The following C17orf99 variants were observed in gnomAD, a reference collection of about 807,000 sequenced individuals.
C17orf99 encodes chromosome 17 open reading frame 99.
Under a neutral mutation model 22.6 loss-of-function variants are expected in C17orf99, and 18 were observed. The observed-to-expected ratio is 0.80, with a 90% CI of 0.55 to 1.18. C17orf99 has a LOEUF of 1.18. Among genes scored for constraint, C17orf99 ranks in the 50% most tolerant of loss-of-function variants. C17orf99 has a pLI of 0.00. For missense variants in C17orf99, 328 were observed against 342.7 expected (o/e 0.96, Z 0.34); for synonymous variants, 147 against 136.6 (o/e 1.08, Z -0.53).
intron 2 of C17orf99, among the ~76,000 whole-genome samples, chr17:78,156,132 C>A (rs2075522983): frequency 6.6e-6 from 1 of 151,070 alleles, no homozygotes; most frequent in Non-Finnish European, 1.5e-5. Flanking sequence ...GAGTTCGAGA[C>A]CAGCCTGGCC....
At chr17:78,156,724 C>T (rs1339092139) in intron 2 of C17orf99, among the ~76,000 whole-genome samples, 1 of 152,194 alleles carries the variant, frequency 6.6e-6, no homozygotes, top group Non-Finnish European at 1.5e-5. Flanking sequence ...AAGTGATCCT[C>T]TCCCCTCAAC....
intron 2 of C17orf99, chr17:78,159,037 G>A (rs906960088): frequency 1.2e-5 from 2 of 162,322 alleles, no homozygotes; most frequent in African/African-American, 4.8e-5. Context: ...CAGGCATCTG[G>A]GAGAGCCCTG....
At chr17:78,163,448 T>A (rs1425537114) in intron 3 of C17orf99, among the ~76,000 whole-genome samples, 1 of 152,260 alleles carries the variant, frequency 6.6e-6, no homozygotes, top group African/African-American at 2.4e-5. Flanking sequence ...GACTGAATGA[T>A]AGAGTTGCCA....
chr17:78,160,094 G>C (rs777017550), intron 2 of C17orf99: 1 of 453,266 alleles, frequency 2.2e-6, no homozygotes, highest in Non-Finnish European at 4.4e-6. Context: ...GCCTGGAATT[G>C]TTGAGTCATA....
intron 4 of C17orf99, 47 bp from the exon 5 acceptor site, chr17:78,165,842 G>A: frequency 7.8e-7 from 1 of 1,282,160 alleles, no homozygotes; most frequent in Non-Finnish European, 1.0e-6. Context: ...GGAGGGGATG[G>A]CTGGGAGGTG....
chr17:78,161,367 A>G, intron 3 of C17orf99, 113 bp downstream of exon 3: 2 of 964,882 alleles, frequency 2.1e-6, no homozygotes, highest in Non-Finnish European at 3.1e-6. Context: ...CCAGGGTGTG[A>G]GGGTGTGGAC....
chr17:78,157,352 G>A (rs1386789858), intron 2 of C17orf99: 8 of 900,236 alleles, frequency 8.9e-6, no homozygotes, highest in Non-Finnish European at 1.3e-5. Flanking sequence ...GCGGCGGTGG[G>A]CTCGGAGGCT....
intron 2 of C17orf99, among the ~76,000 whole-genome samples, chr17:78,152,096 CG>C (rs1224901283): frequency 6.6e-6 from 1 of 152,140 alleles, no homozygotes; most frequent in African/African-American, 2.4e-5. Context: ...GCAGCCCTGT[CG>C]TCACTTTATC....
intron 2 of C17orf99, among the ~76,000 whole-genome samples, chr17:78,153,629 A>C (rs2075502360): frequency 6.6e-6 from 1 of 152,192 alleles, no homozygotes. Context: ...CATTTTTGTA[A>C]GTCAAGATCG....
intron 2 of C17orf99, among the ~76,000 whole-genome samples, chr17:78,154,033 C>T (rs1486713706): frequency 7.0e-6 from 1 of 143,588 alleles, no homozygotes; most frequent in African/African-American, 2.6e-5. Flanking sequence ...TCAAGTGATT[C>T]TCATGCCTCA....
In C17orf99 at chr17:78,164,157, GAGATGATCTGCCAGGCGT is replaced by G; in HGVS notation, c.434_451del (p.Glu145_Ser151delinsAla). 1 of 1,551,636 alleles carries G rather than the reference GAGATGATCTGCCAGGCGT, an allele frequency of 6.4e-7. No individual in the cohort carries two copies. Among genetic ancestry groups the G allele is most frequent in the Non-Finnish European group, 8.7e-7 (1 of 1,147,016 alleles). On this transcript the variant is annotated inframe_deletion, in exon 4 of 5. Coordinates refer to ENST00000340363, the MANE Select transcript of C17orf99 (RefSeq NM_001163075.2). ...GGACAGAGGGGCAGGCCCCAGGGTG[GAGATGATCTGCCAGGCGT>G]CCTCGGGCAGCCCACCTATCACCAA...
At chr17:78,159,866 A>G (rs1347411492) in intron 2 of C17orf99, among the ~76,000 whole-genome samples, 1 of 152,112 alleles carries the variant, frequency 6.6e-6, no homozygotes, top group African/African-American at 2.4e-5. Context: ...GAATGTTGTT[A>G]CGGCTCATCC....
At chr17:78,149,617 T>G (rs1478425295) in intron 2 of C17orf99, among the ~76,000 whole-genome samples, 7 of 152,190 alleles carry the variant, frequency 4.6e-5, no homozygotes, top group Non-Finnish European at 7.3e-5. Flanking sequence ...CACTGCAGCC[T>G]TAACCGCCAG....
intron 2 of C17orf99, among the ~76,000 whole-genome samples, chr17:78,160,616 G>A (rs2075566662): frequency 1.3e-5 from 2 of 150,528 alleles, no homozygotes; most frequent in Admixed American, 6.6e-5. Context: ...TCCCTCTGTC[G>A]CCCAGGCTGG....
intron 4 of C17orf99, chr17:78,165,410 GT>G (rs2075610177): frequency 1.0e-6 from 1 of 985,576 alleles, no homozygotes; most frequent in Middle Eastern, 5.2e-4. Flanking sequence ...CCGAGCCTCA[GT>G]TTTTCCTTCT....
chr17:78,154,514 C>T (rs1269019893), intron 2 of C17orf99, among the ~76,000 whole-genome samples: 1 of 151,588 alleles, frequency 6.6e-6, no homozygotes, highest in East Asian at 1.9e-4. Context: ...CACCACTGCC[C>T]TGAGGCCTGG....
intron 2 of C17orf99, 134 bp from the exon 3 acceptor site, chr17:78,160,821 G>A (rs1258532363): frequency 2.2e-5 from 15 of 679,130 alleles, no homozygotes; most frequent in Middle Eastern, 7.3e-4. Context: ...GACCTCAAGT[G>A]ATCCGTCCAC....
Position 78,164,352 on chromosome 17 carries a change from G to C in C17orf99, c.628G>C (p.Val210Leu), listed in dbSNP as rs371151177. The C allele has an allele frequency of 3.9e-6, 6 of 1,551,502 alleles. 1 individual carries two copies. In the South Asian group the frequency reaches 5.9e-5, roughly 15 times the overall value. ...NANVQHSALT[V>L]VPPGGDQKME... ...CAATGTCCAGCACAGCGCCCTCACA[G>C]TGGTGCCCCCAGGTGAGAGGGCCCT... The change falls in exon 4 of 5, where the codon GTG (valine) becomes CTG (leucine). Residue 210 changes from valine (V) to leucine (L), a missense_variant. By Grantham distance (32) the Val-to-Leu change is conservative. Transcript: ENST00000340363.
Position 78,166,217 on chromosome 17 carries a change from G to A in C17orf99, c.*171G>A, listed in dbSNP as rs1011099297. On this transcript the variant is annotated 3_prime_UTR_variant, in exon 5 of 5. Coordinates refer to ENST00000340363, the MANE Select transcript of C17orf99 (RefSeq NM_001163075.2). ...GATGGTGGATATGTTAACTTGCTTC[G>A]CTATAGGAACCTTTGTGCTATCTAT... 1.8e-5 allele frequency: 7 copies of A among 389,288 alleles called. No homozygotes were observed. The highest frequency in any genetic ancestry group is 4.5e-5 in the Admixed American group (1 of 22,104). The allele number at this position is 389,288 out of a possible 1,614,324, so 24.1% of individuals were successfully genotyped here. A position where few individuals can be genotyped will look rare whatever the true frequency, so the allele number is the denominator to read the frequency against.
Sources: gnomAD v4.1 joint callset for allele counts (sites outside exome capture counted in the v4.1 genomes callset) on GRCh38, gnomAD v4.1.1 for gene constraint, MANE v1.5 for transcripts, NCBI Gene and HGNC (gene_info 2026-07-23, HGNC 2026-07-21) for gene names.